Variants in SNRPN observed in about 807,000 individuals in gnomAD.
SNRPN encodes the protein small nuclear ribonucleoprotein polypeptide N, also known as small nuclear ribonucleoprotein-associated protein N.
A neutral mutation model predicts 25.2 loss-of-function variants in SNRPN; 7 were observed. The observed-to-expected ratio is 0.28, with a 90% CI of 0.16 to 0.52. The LOEUF (loss-of-function observed/expected upper bound fraction) is 0.52. Among genes scored for constraint, SNRPN ranks in the 20% least tolerant of loss-of-function variants. SNRPN has a pLI of 0.96. For synonymous variants in SNRPN, 124 were observed against 110.6 expected (o/e 1.12, Z -0.76); for missense variants, 196 against 322.5 (o/e 0.61, Z 3.00).
Position 24,955,027 on chromosome 15 carries a change from C to CT in SNRPN, c.-425dup, listed in dbSNP as rs1566948537. 2 of 1,612,902 alleles carry CT rather than the reference C, an allele frequency of 1.2e-6. No individual in the cohort carries two copies. The highest frequency in any genetic ancestry group is 3.3e-5 in the Admixed American group (2 of 60,016). On this transcript the variant is annotated 5_prime_UTR_variant, in exon 1 of 10. The change abolishes the stop of an existing upstream ORF in the 5' untranslated region. Transcript: ENST00000390687. ...CGCCGGAGATGCCTGACGCATCTGT[C>CT]TGAGGAGCGGTCAGTGACGCGATGG...
chr15:24,922,472 A>G (rs1020534130), intron 3 of SNRPN, among the ~76,000 whole-genome samples: 2 of 152,180 alleles, frequency 1.3e-5, no homozygotes, highest in Non-Finnish European at 2.9e-5. Context: ...ATCATCTAAT[A>G]CCCAAGTCAA....
intron 1 of SNRPN, among the ~76,000 whole-genome samples, chr15:24,885,943 C>T (rs2057168672): frequency 2.6e-5 from 4 of 152,130 alleles, no homozygotes; most frequent in Admixed American, 2.6e-4. Context: ...CAAGAATGTC[C>T]TCATGGATCC....
chr15:24,866,674 A>G (rs990065239), intron 1 of SNRPN, among the ~76,000 whole-genome samples: 7 of 152,174 alleles, frequency 4.6e-5, no homozygotes, highest in Admixed American at 3.9e-4. Context: ...GTATCCATCC[A>G]CAAAACTTCT....
intron 2 of SNRPN, chr15:24,909,682 G>C: frequency 8.1e-7 from 1 of 1,240,490 alleles, no homozygotes; most frequent in Non-Finnish European, 1.2e-6. Flanking sequence ...TCCTGTATTT[G>C]AGTGTGTTGT....
intron 2 of SNRPN, among the ~76,000 whole-genome samples, chr15:24,899,634 TC>T (rs1252824374): frequency 6.6e-6 from 1 of 152,186 alleles, no homozygotes; most frequent in Non-Finnish European, 1.5e-5. Flanking sequence ...GTCAGCCACT[TC>T]CTATATCCCC....
intron 2 of SNRPN, among the ~76,000 whole-genome samples, chr15:24,893,716 G>A (rs909994334): frequency 4.0e-5 from 6 of 151,644 alleles, no homozygotes; most frequent in South Asian, 2.1e-4. Context: ...AAATGTACCC[G>A]TTACAAGTGA....
At chr15:24,951,513 C>CTT (rs34222681), upstream of SNRPN, among the ~76,000 whole-genome samples, 10,781 of 143,580 alleles carry the variant, frequency 0.075, 520 homozygotes, top group African/African-American at 0.12. Context: ...AATAGTAACA[C>CTT]TTTTTTTTTT....
At chr15:24,878,780 CT>C (rs2056276897) in intron 1 of SNRPN, among the ~76,000 whole-genome samples, 1 of 151,884 alleles carries the variant, frequency 6.6e-6, no homozygotes, top group African/African-American at 2.4e-5. Context: ...AAACGAAATC[CT>C]TTTCAAAAAT....
intron 2 of SNRPN, chr15:24,967,077 C>G (rs2075748527): frequency 6.6e-6 from 1 of 152,148 alleles, no homozygotes; most frequent in African/African-American, 2.4e-5. Context: ...TAAACATCTC[C>G]CTGCAAATGC....
chr15:24,962,355 A>T, intron 2 of SNRPN, 146 bp downstream of exon 2: 1 of 727,904 alleles, frequency 1.4e-6, no homozygotes, highest in Admixed American at 2.2e-5. Flanking sequence ...AAAGCAATGA[A>T]ATTCTTAACC....
rs201213954 is a variant in SNRPN at position 24,977,553 on chromosome 15, G to A, written c.421-225G>A. 5.3e-5 allele frequency among the ~76,000 whole-genome samples: 8 copies of A among 152,150 alleles called. No homozygotes were observed. In the East Asian group the frequency reaches 9.7e-4, roughly 18 times the overall value. On this transcript the variant is annotated intron_variant, in intron 7 of 9. Transcript: ENST00000390687. ...TACCAGGCAGGGAGACAGGAGAATC[G>A]CTTGAACCCAGGAGTGGGAGGCTGC...
chr15:24,955,343 C>T (rs1222519781), intron 1 of SNRPN, among the ~76,000 whole-genome samples: 3 of 151,658 alleles, frequency 2.0e-5, no homozygotes, highest in African/African-American at 7.3e-5. Flanking sequence ...GTGGGAAGGG[C>T]GGTGGTGACT....
intron 1 of SNRPN, among the ~76,000 whole-genome samples, chr15:24,958,154 T>G (rs181303445): frequency 6.6e-6 from 1 of 152,230 alleles, no homozygotes; most frequent in Non-Finnish European, 1.5e-5. Context: ...AGTTACTCTG[T>G]ATCTTTATGT....
chr15:24,976,231 G>C, intron 5 of SNRPN, 74 bp from the exon 6 acceptor site: 2 of 1,125,546 alleles, frequency 1.8e-6, no homozygotes, highest in Non-Finnish European at 2.7e-6. Flanking sequence ...ATTGATACTT[G>C]AGGTTGTATA....
chr15:24,858,581 G>T (rs765298756), intron 1 of SNRPN, among the ~76,000 whole-genome samples: 1 of 151,938 alleles, frequency 6.6e-6, no homozygotes, highest in Non-Finnish European at 1.5e-5. Flanking sequence ...TGGATCATAA[G>T]GCCAGGAGTT....
chr15:24,830,435 T>C (rs78562287), intron 2 of SNRPN, among the ~76,000 whole-genome samples: 1,636 of 152,200 alleles, frequency 0.011, 25 homozygotes, highest in Non-Finnish European at 0.017. Flanking sequence ...TACCTTTTAC[T>C]TTGTTTTTGC....
intron 4 of SNRPN, 45 bp downstream of exon 4, chr15:24,974,501 C>T: frequency 6.3e-7 from 1 of 1,598,084 alleles, no homozygotes; most frequent in Non-Finnish European, 8.6e-7. Context: ...GCTGTAAGGG[C>T]CGAAAGAAAT....
At chr15:24,837,325 C>A (rs575463267) in intron 2 of SNRPN, among the ~76,000 whole-genome samples, 2 of 151,524 alleles carry the variant, frequency 1.3e-5, no homozygotes, top group South Asian at 4.2e-4. Context: ...GGAAAAATCC[C>A]GTGGAAAAAC....
At chr15:24,835,707 T>C (rs1350334415) in intron 2 of SNRPN, among the ~76,000 whole-genome samples, 2 of 152,132 alleles carry the variant, frequency 1.3e-5, no homozygotes, top group Non-Finnish European at 2.9e-5. Flanking sequence ...CTGACCAAAA[T>C]GTACAACTTT....
Sources: allele counts gnomAD v4.1 joint callset (sites outside exome capture counted in the v4.1 genomes callset), GRCh38; gene constraint gnomAD v4.1.1; transcripts MANE v1.5; gene names NCBI Gene and HGNC (gene_info 2026-07-23, HGNC 2026-07-21).